Variants in TLK1 observed in about 807,000 individuals in gnomAD.
TLK1 encodes serine/threonine-protein kinase tousled-like 1.
A neutral mutation model predicts 105.3 loss-of-function variants in TLK1; 24 were observed. The ratio of observed to expected loss-of-function variants is 0.23; its 90% CI spans 0.17 to 0.32. The LOEUF is 0.32. TLK1 is among the 10% of genes least tolerant of loss of function. The probability of loss-of-function intolerance (pLI) is 1.00; values close to 1 mark genes in which losing one functional copy is unlikely to be tolerated. For synonymous variants in TLK1, 321 were observed against 310.4 expected, an observed-to-expected ratio of 1.03 and a Z score of -0.36; for missense variants, 558 against 910.5, an observed-to-expected ratio of 0.61 and a Z score of 4.98.
At chr2:171,161,835 C>T (rs1214774297), upstream of TLK1, among the ~76,000 whole-genome samples, 1 of 150,710 alleles carries the variant, frequency 6.6e-6, no homozygotes, top group Non-Finnish European at 1.5e-5. Flanking sequence ...AGTATACTCA[C>T]ACCAGGGATT....
In TLK1 at chr2:170,997,817, T is replaced by C. The variant is rs1000786372; in HGVS notation, c.1911A>G (p.Leu637=). Reference sequence around the variant, plus strand: ...TTCCAACTACAAAACACTCAGGAGGTAAATACCTGTAAGTTTTGTGGGAGA... The same window carrying C: ...TTCCAACTACAAAACACTCAGGAGGCAAATACCTGTAAGTTTTGTGGGAGA... ...TSQGAGTYWY[L]PPECFVVGKE... is the part of the protein sequence containing the mutation. Residue 637 remains leucine (L), a synonymous_variant, in exon 19 of 21, where the codon TTA becomes TTG. Transcript: ENST00000431350. 6.3e-7 allele frequency: 1 copy of C among 1,590,372 alleles called. No individual in the cohort carries two copies. The highest frequency in any genetic ancestry group is 8.6e-7 in the Non-Finnish European group (1 of 1,165,184).
chr2:171,161,695 G>A (rs932600651), upstream of TLK1, among the ~76,000 whole-genome samples: 2 of 152,188 alleles, frequency 1.3e-5, no homozygotes, highest in African/African-American at 4.8e-5. Flanking sequence ...TCTTGCAGAA[G>A]GTATGGTTTC....
chr2:171,127,873 T>C (rs1337402109), intron 1 of TLK1, among the ~76,000 whole-genome samples: 1 of 152,128 alleles, frequency 6.6e-6, no homozygotes, highest in Non-Finnish European at 1.5e-5. Flanking sequence ...TCTATCTACA[T>C]ATATAGATAT....
At chr2:171,222,871 G>T (rs1219261643) in intron 1 of TLK1, among the ~76,000 whole-genome samples, 2 of 151,964 alleles carry the variant, frequency 1.3e-5, no homozygotes, top group Non-Finnish European at 2.9e-5. Context: ...CTGGAGTATG[G>T]TGGTGCAATC....
At chr2:171,099,394 G>A (rs866358212) in intron 2 of TLK1, among the ~76,000 whole-genome samples, 3 of 152,262 alleles carry the variant, frequency 2.0e-5, no homozygotes, top group Middle Eastern at 3.4e-3. Flanking sequence ...TTGTGTTCAT[G>A]TGCTAGAAGA....
intron 1 of TLK1, among the ~76,000 whole-genome samples, chr2:171,209,306 T>G (rs2105324474): frequency 6.6e-6 from 1 of 152,334 alleles, no homozygotes; most frequent in South Asian, 2.1e-4. Context: ...TATATTGTTT[T>G]GATTTTGAAC....
Position 171,222,972 on chromosome 2 carries a change from G to A in TLK1, c.-6+8173C>T, listed in dbSNP as rs187445771. 6.1e-4 allele frequency among the ~76,000 whole-genome samples: 92 copies of A among 151,964 alleles called. 1 individual carries two copies. The highest frequency in any genetic ancestry group is 1.8e-3 in the African/African-American group (75 of 41,432). On this transcript the variant is annotated intron_variant, in intron 1 of 20. Coordinates refer to the TLK1 transcript ENST00000521943. ...TGGGATTACAGGCATGCACCACCAC[G>A]CCCAACTAATTTTTGTATTTTTAGT...
intron 1 of TLK1, among the ~76,000 whole-genome samples, chr2:171,128,522 T>C: frequency 6.6e-6 from 1 of 152,204 alleles, no homozygotes; most frequent in East Asian, 1.9e-4. Flanking sequence ...AAAATATAAG[T>C]GCTCAATAAA....
rs551929742 is a variant in TLK1, at chr2:170,992,273, C to T, written c.*1507G>A. ...TATGTACAATGAAAAAACAAAATGG[C>T]TTGCAACATCAGAAATACAGTTTAA... On this transcript the variant is annotated 3_prime_UTR_variant, in exon 21 of 21. Transcript: ENST00000431350. 4 of 152,250 alleles carry T rather than the reference C, an allele frequency of 2.6e-5. No homozygotes were observed. The highest frequency in any genetic ancestry group is 4.4e-5 in the Non-Finnish European group (3 of 67,988). The allele number at this position is 152,250 out of a possible 1,614,324, so 9.4% of individuals were successfully genotyped here. A position where few individuals can be genotyped will look rare whatever the true frequency, so the allele number is the denominator to read the frequency against.
chr2:171,029,309 T>TA (rs912553512), intron 11 of TLK1, among the ~76,000 whole-genome samples: 1 of 152,058 alleles, frequency 6.6e-6, no homozygotes, highest in African/African-American at 2.4e-5. Flanking sequence ...ATAAGCAAGA[T>TA]AAAAAAATGC....
chr2:171,160,208 CGGGGGGGGCGGGGGG>C lies in TLK1; in HGVS notation c.139+67_139+81del. 1 of 1,123,926 alleles carries C rather than the reference CGGGGGGGGCGGGGGG, an allele frequency of 8.9e-7. No individual in the cohort carries two copies. The allele number at this position is 1,123,926 out of a possible 1,614,324, so 69.6% of individuals were successfully genotyped here. On this transcript the variant is annotated intron_variant, in intron 1 of 20. Coordinates refer to ENST00000431350, the MANE Select transcript of TLK1 (RefSeq NM_012290.5). The surrounding 1 kb of genome is among the most constrained non-coding windows in gnomAD (Gnocchi z 4.4). ...AGGGTCTGGCGGAGAAGCCCCGGGG[CGGGGGGGGCGGGGGG>C]GGGGCGCGGGGGTCCGCGGCGCGGG... is the stretch of plus-strand genomic sequence containing the variant.
At chr2:171,111,444 G>A (rs1046401437) in intron 2 of TLK1, among the ~76,000 whole-genome samples, 1 of 152,064 alleles carries the variant, frequency 6.6e-6, no homozygotes, top group Non-Finnish European at 1.5e-5. Context: ...CTAGCCGAAT[G>A]TCATGGTGCA....
intron 1 of TLK1, among the ~76,000 whole-genome samples, chr2:171,182,935 AAAAGAAAGAAAGAAAG>A (rs750018547): frequency 6.2e-5 from 8 of 128,780 alleles, no homozygotes; most frequent in South Asian, 4.5e-4. Flanking sequence ...AAAAAAAAAA[AAAAGAAAGAAAGAAAG>A]AAAGAAAGAA....
At chr2:171,106,195 G>A (rs746400552) in intron 2 of TLK1, among the ~76,000 whole-genome samples, 7 of 152,278 alleles carry the variant, frequency 4.6e-5, no homozygotes, top group South Asian at 2.1e-4. Context: ...AAGAGTAGGC[G>A]GGAGGGGACA....
chr2:171,097,446 G>C (rs1273553053), intron 2 of TLK1, among the ~76,000 whole-genome samples: 2 of 152,008 alleles, frequency 1.3e-5, no homozygotes, highest in Admixed American at 1.3e-4. Context: ...CAAAAATATA[G>C]GCAACAAAAG....
Position 171,160,267 on chromosome 2 carries a change from G to T in TLK1, c.139+23C>A. ...GCGCGGGAGAGGAGGCCCGCGAGCG[G>T]GCGCGGGCGCGGCGGTGCTTACCTT... On this transcript the variant is annotated intron_variant, in intron 1 of 20. Coordinates refer to ENST00000431350, the MANE Select transcript of TLK1 (RefSeq NM_012290.5). This position sits in a 1 kb window ranked among gnomAD's most constrained non-coding sequence, Gnocchi z 4.4. 1 of 1,503,894 alleles carries T rather than the reference G, an allele frequency of 6.6e-7. No individual in the cohort carries two copies. The highest frequency in any genetic ancestry group is 8.8e-7 in the Non-Finnish European group (1 of 1,131,854). 93.2% of individuals were successfully genotyped at this position (1,503,894 alleles called of 1,614,324 possible).
At chr2:171,049,582 G>C (rs1422106569) in intron 10 of TLK1, among the ~76,000 whole-genome samples, 1 of 152,036 alleles carries the variant, frequency 6.6e-6, no homozygotes, top group Non-Finnish European at 1.5e-5. Flanking sequence ...TAATATCTCG[G>C]AAAGTCAGAA....
chr2:171,034,677 C>A (rs1177850219), intron 11 of TLK1, among the ~76,000 whole-genome samples: 1 of 152,110 alleles, frequency 6.6e-6, no homozygotes, highest in Non-Finnish European at 1.5e-5. Flanking sequence ...GTACATAACA[C>A]TGTGAATGGA....
At chr2:171,162,211 G>A (rs1208083686), upstream of TLK1, among the ~76,000 whole-genome samples, 1 of 152,168 alleles carries the variant, frequency 6.6e-6, no homozygotes, top group Non-Finnish European at 1.5e-5. Flanking sequence ...CTTTATTGAG[G>A]TATAATTGAC....
Sources: allele counts gnomAD v4.1 joint callset (sites outside exome capture counted in the v4.1 genomes callset), GRCh38; gene constraint gnomAD v4.1.1; non-coding constraint Gnocchi (gnomAD v3.1); transcripts MANE v1.5; gene names NCBI Gene and HGNC (gene_info 2026-07-23, HGNC 2026-07-21).